Variants in LDB2 observed in about 807,000 individuals in gnomAD.
LDB2 encodes LIM domain binding 2, also known as LIM domain-binding protein 2.
LDB2 carries 12 observed loss-of-function variants against 44.3 expected under a neutral mutation model. The observed-to-expected ratio is 0.27, with a 90% confidence interval of 0.17 to 0.44. The LOEUF (loss-of-function observed/expected upper bound fraction) is 0.44, where lower values mean the gene tolerates loss of function less well. Ranked by LOEUF, LDB2 falls within the 20% of genes least tolerant of loss-of-function variation. LDB2 has a pLI of 1.00. For synonymous variants in LDB2, 164 were observed against 174.8 expected (o/e 0.94, Z 0.49); for missense variants, 344 against 473.5 (o/e 0.73, Z 2.54).
At chr4:16,842,346 C>G (rs1422900662) in intron 1 of LDB2, among the ~76,000 whole-genome samples, 1 of 151,506 alleles carries the variant, frequency 6.6e-6, no homozygotes, top group African/African-American at 2.4e-5. Context: ...GAGAGAGAAA[C>G]GGAGAAAGAG....
intron 5 of LDB2, among the ~76,000 whole-genome samples, chr4:16,585,039 C>A (rs1271340475): frequency 2.0e-5 from 3 of 152,146 alleles, no homozygotes; most frequent in Admixed American, 1.3e-4. Context: ...CTCTCCTGTT[C>A]CCTGACAAGA....
At chr4:16,785,051 C>A (rs176288) in intron 1 of LDB2, among the ~76,000 whole-genome samples, 14,656 of 150,998 alleles carry the variant, frequency 0.097, 955 homozygotes, top group Middle Eastern at 0.14. Context: ...TAATAGTAAA[C>A]GAAAGAAAAA....
At chr4:16,767,146 T>C (rs527729014) in intron 1 of LDB2, among the ~76,000 whole-genome samples, 6 of 152,316 alleles carry the variant, frequency 3.9e-5, no homozygotes, top group East Asian at 3.9e-4. Flanking sequence ...CAAAGAGTAC[T>C]GTTAAGCAGT....
intron 2 of LDB2, among the ~76,000 whole-genome samples, chr4:16,742,520 C>T (rs953137471): frequency 1.3e-5 from 2 of 152,132 alleles, no homozygotes; most frequent in African/African-American, 4.8e-5. Context: ...GACACAGAAG[C>T]CCCTAAGTTT....
chr4:16,797,027 A>G (rs907861953), intron 1 of LDB2, among the ~76,000 whole-genome samples: 10 of 152,214 alleles, frequency 6.6e-5, no homozygotes, highest in Non-Finnish European at 1.3e-4. Context: ...AAATATTATG[A>G]AAAAACTGAA....
At chr4:16,572,555 G>T (rs543956769) in intron 5 of LDB2, among the ~76,000 whole-genome samples, 74 of 150,730 alleles carry the variant, frequency 4.9e-4, no homozygotes, top group South Asian at 2.1e-3. Context: ...TGTTTATTTT[G>T]TATATATATG....
Position 16,677,003 on chromosome 4 carries a change from C to T in LDB2, c.236-81128G>A, listed in dbSNP as rs762782764. Among the ~76,000 whole-genome samples, 6 of 152,278 alleles carry T rather than the reference C, an allele frequency of 3.9e-5. No individual in the cohort carries two copies. In the South Asian group the frequency reaches 8.3e-4, roughly 21 times the overall value. On this transcript the variant is annotated intron_variant, in intron 2 of 7. Coordinates refer to ENST00000304523, the MANE Select transcript of LDB2 (RefSeq NM_001290.5). ...AGTTGAGATTGGATTCTTGGCCCCT[C>T]GCTTAAAAGCAGTGAATTTGAGAAA... is the stretch of plus-strand genomic sequence containing the variant.
chr4:16,724,350 G>A (rs1758968841), intron 2 of LDB2, among the ~76,000 whole-genome samples: 1 of 151,320 alleles, frequency 6.6e-6, no homozygotes, highest in Non-Finnish European at 1.5e-5. Flanking sequence ...AGATTTGTGG[G>A]CACCTGGGTA....
intron 1 of LDB2, among the ~76,000 whole-genome samples, chr4:16,817,264 T>C (rs904463968): frequency 2.0e-5 from 3 of 152,228 alleles, no homozygotes; most frequent in Non-Finnish European, 2.9e-5. Flanking sequence ...TACTCTCTCC[T>C]GATAGAGAGA....
chr4:16,539,490 G>T (rs898774967), intron 5 of LDB2, among the ~76,000 whole-genome samples: 1 of 152,148 alleles, frequency 6.6e-6, no homozygotes, highest in African/African-American at 2.4e-5. Context: ...GGTGACCATG[G>T]TGATGATAGT....
At chr4:16,524,794 C>T (rs1048709775) in intron 5 of LDB2, among the ~76,000 whole-genome samples, 1 of 152,136 alleles carries the variant, frequency 6.6e-6, no homozygotes, top group East Asian at 1.9e-4. Context: ...TGAAACAAAG[C>T]ACCAAATATC....
intron 5 of LDB2, among the ~76,000 whole-genome samples, chr4:16,585,649 T>G (rs986383625): frequency 6.6e-6 from 1 of 152,134 alleles, no homozygotes; most frequent in African/African-American, 2.4e-5. Flanking sequence ...ACAAAGCATT[T>G]TGCAACAATG....
At chr4:16,759,586 A>G (rs1767435137) in intron 1 of LDB2, among the ~76,000 whole-genome samples, 1 of 152,222 alleles carries the variant, frequency 6.6e-6, no homozygotes, top group African/African-American at 2.4e-5. Flanking sequence ...TGTAAAATAC[A>G]CTTGACTTTT....
At chr4:16,536,963 G>A (rs2085608074) in intron 5 of LDB2, among the ~76,000 whole-genome samples, 1 of 152,194 alleles carries the variant, frequency 6.6e-6, no homozygotes, top group Admixed American at 6.5e-5. Context: ...TCCAGTGCTG[G>A]TGCTTTGTCA....
At chr4:16,888,827 A>T in intron 1 of LDB2, 2 of 550,652 alleles carry the variant, frequency 3.6e-6, no homozygotes, top group Non-Finnish European at 4.6e-6. Flanking sequence ...GGCTAAGGAA[A>T]TTGAGGCTCA....
At chr4:16,733,575 C>A (rs1180955371) in intron 2 of LDB2, among the ~76,000 whole-genome samples, 2 of 152,132 alleles carry the variant, frequency 1.3e-5, no homozygotes, top group Non-Finnish European at 1.5e-5. Flanking sequence ...CATGTCTGTG[C>A]CTCAAAGGGA....
chr4:16,759,305 TA>T (rs1767368955), intron 1 of LDB2, 45 bp from the exon 2 acceptor site: 4 of 1,350,976 alleles, frequency 3.0e-6, no homozygotes, highest in Non-Finnish European at 4.3e-6. Context: ...AAGTGGGAAA[TA>T]TCTCAAAGAG....
chr4:16,710,781 T>A (rs1474388813), intron 2 of LDB2, among the ~76,000 whole-genome samples: 1 of 152,224 alleles, frequency 6.6e-6, no homozygotes, highest in African/African-American at 2.4e-5. Context: ...CATCCTTTTT[T>A]AACTTTTCCA....
At chr4:16,676,534 T>G (rs2152563789) in intron 2 of LDB2, among the ~76,000 whole-genome samples, 1 of 152,308 alleles carries the variant, frequency 6.6e-6, no homozygotes, top group South Asian at 2.1e-4. Flanking sequence ...CTGTGGGGAA[T>G]TACACAGAAG....
Sources: gnomAD v4.1 joint callset for allele counts (sites outside exome capture counted in the v4.1 genomes callset) on GRCh38, gnomAD v4.1.1 for gene constraint, MANE v1.5 for transcripts, NCBI Gene and HGNC (gene_info 2026-07-23, HGNC 2026-07-21) for gene names.